SHOC2: variants seen among roughly 807,000 people sequenced by gnomAD.
SHOC2 encodes the protein leucine-rich repeat protein SHOC-2.
Under a neutral mutation model 50.2 loss-of-function variants are expected in SHOC2, and 4 were observed. The observed-to-expected ratio is 0.08, with a 90% CI of 0.04 to 0.18. The LOEUF (loss-of-function observed/expected upper bound fraction) is 0.18. SHOC2 is among the 10% of genes least tolerant of loss of function. SHOC2 has a pLI of 1.00. For synonymous variants in SHOC2, 218 were observed against 244.5 expected (o/e 0.89, Z 1.01); for missense variants, 388 against 669.6 (o/e 0.58, Z 4.64).
chr10:110,940,984 G>A (rs1050198920), intron 1 of SHOC2, among the ~76,000 whole-genome samples: 17 of 135,044 alleles, frequency 1.3e-4, no homozygotes, highest in Non-Finnish European at 2.3e-4. Flanking sequence ...AGGCTGGAGT[G>A]CAGTTAGCAC....
intron 2 of SHOC2, among the ~76,000 whole-genome samples, chr10:110,967,336 C>G (rs180937440): frequency 4.9e-4 from 75 of 152,202 alleles, no homozygotes; most frequent in African/African-American, 1.8e-3. Context: ...TGGGTACCAC[C>G]CCCCATAGAT....
At chr10:110,939,440 G>A (rs529089310) in intron 1 of SHOC2, among the ~76,000 whole-genome samples, 5 of 152,120 alleles carry the variant, frequency 3.3e-5, no homozygotes, top group African/African-American at 9.6e-5. Flanking sequence ...GGCTGGTCTC[G>A]AACTTCTGGC....
At chr10:110,962,278 T>TATA (rs1590802919) in intron 1 of SHOC2, among the ~76,000 whole-genome samples, 1 of 152,250 alleles carries the variant, frequency 6.6e-6, no homozygotes, top group East Asian at 1.9e-4. Flanking sequence ...AGAAACTTGA[T>TATA]ATAATGACAT....
At chr10:110,972,573 CA>C (rs796748027) in intron 2 of SHOC2, among the ~76,000 whole-genome samples, 17 of 152,018 alleles carry the variant, frequency 1.1e-4, no homozygotes, top group African/African-American at 3.9e-4. Context: ...CTAAAGGAGG[CA>C]AAAAAACAAC....
At position 110,981,463 on chromosome 10, in the gene SHOC2, A is replaced by G. The variant is rs533516562; in HGVS notation, c.704-4165A>G. ...GGCAGAGGTTTGTCCTTAGATCTCA[A>G]AAGGATGTAAGAAAAGTTGATAATC... On this transcript the variant is annotated intron_variant, in intron 2 of 8. Coordinates refer to ENST00000369452, the MANE Select transcript of SHOC2 (RefSeq NM_007373.4). Among the ~76,000 whole-genome samples the G allele has an allele frequency of 2.2e-3, 332 of 152,312 alleles. 1 individual carries two copies. Among genetic ancestry groups the G allele is most frequent in the Non-Finnish European group, 3.6e-3 (245 of 68,028 alleles).
intron 3 of SHOC2, among the ~76,000 whole-genome samples, chr10:110,991,193 T>C (rs1848180805): frequency 6.6e-6 from 1 of 152,198 alleles, no homozygotes; most frequent in Admixed American, 6.5e-5. Flanking sequence ...GCGATTAAAG[T>C]ACTGAAATGA....
At chr10:110,958,649 C>G (rs1050969171) in intron 1 of SHOC2, among the ~76,000 whole-genome samples, 13 of 152,128 alleles carry the variant, frequency 8.5e-5, no homozygotes, top group African/African-American at 3.1e-4. Flanking sequence ...GACCTCCCTC[C>G]TTTATTCTAA....
chr10:110,998,715 G>T (rs751112178), intron 3 of SHOC2, among the ~76,000 whole-genome samples: 3 of 152,122 alleles, frequency 2.0e-5, no homozygotes, highest in Non-Finnish European at 4.4e-5. Context: ...CGTTATAGTT[G>T]ACAACTTATG....
chr10:110,976,137 T>C (rs1317557253), intron 2 of SHOC2, among the ~76,000 whole-genome samples: 1 of 151,544 alleles, frequency 6.6e-6, no homozygotes, highest in African/African-American at 2.4e-5. Flanking sequence ...TCTCAAATTC[T>C]GTCCTCAGGT....
chr10:110,989,704 G>A lies in SHOC2; in HGVS notation c.841+3939G>A, dbSNP rs376262575. Among the ~76,000 whole-genome samples, 14 of 152,064 alleles carry A rather than the reference G, an allele frequency of 9.2e-5. No homozygotes were observed. In the East Asian group the frequency reaches 1.9e-3, roughly 21 times the overall value. ...TATTTCTAGATTTCTGAAATTTTAAGAACTATATTTTATTTATCAGTGTTT... is the reference window on the plus strand; with the variant it reads ...TATTTCTAGATTTCTGAAATTTTAAAAACTATATTTTATTTATCAGTGTTT... On this transcript the variant is annotated intron_variant, in intron 3 of 8. Coordinates refer to ENST00000369452, the MANE Select transcript of SHOC2 (RefSeq NM_007373.4).
rs903306715 is a variant in SHOC2 at position 110,936,094 on chromosome 10, G to T, written c.-235+16437G>T. Reference sequence around the variant, plus strand: ...TGAGTACTCTAGATATTGCTTCACTGATTTTTTTTTTTTTTTTTTGAGTCG... The same window carrying T: ...TGAGTACTCTAGATATTGCTTCACTTATTTTTTTTTTTTTTTTTTGAGTCG... On this transcript the variant is annotated intron_variant, in intron 1 of 8. Coordinates refer to ENST00000369452, the MANE Select transcript of SHOC2 (RefSeq NM_007373.4). Among the ~76,000 whole-genome samples, 29 of 143,978 alleles carry T rather than the reference G, an allele frequency of 2.0e-4. No homozygotes were observed. In the South Asian group the frequency reaches 2.2e-3, roughly 11 times the overall value. The allele number at this position is 143,978 out of a possible 152,430, so 94.5% of individuals were successfully genotyped here. A position where few individuals can be genotyped will look rare whatever the true frequency, so the allele number is the denominator to read the frequency against.
intron 1 of SHOC2, among the ~76,000 whole-genome samples, chr10:110,933,634 C>T (rs1019947610): frequency 3.0e-4 from 46 of 152,124 alleles, no homozygotes; most frequent in African/African-American, 1.1e-3. Flanking sequence ...AGTTGATTTT[C>T]GTCATTAAGA....
chr10:111,012,158 G>T lies in SHOC2; in HGVS notation c.*340G>T. 1 of 224,376 alleles carries T rather than the reference G, an allele frequency of 4.5e-6. No individual in the cohort carries two copies. Among genetic ancestry groups the T allele is most frequent in the Admixed American group, 5.2e-5 (1 of 19,178 alleles). 13.9% of individuals were successfully genotyped at this position (224,376 alleles called of 1,614,324 possible). ...TATACTTTCTCTTAGGAAAAATAAT[G>T]GGCAAAAATTTTTGTTGCAACTTTT... On this transcript the variant is annotated 3_prime_UTR_variant, in exon 9 of 9. Transcript: ENST00000369452.
intron 3 of SHOC2, among the ~76,000 whole-genome samples, chr10:110,995,536 A>C (rs2134162274): frequency 6.6e-6 from 1 of 152,314 alleles, no homozygotes; most frequent in Non-Finnish European, 1.5e-5. Flanking sequence ...AAGTCAATGA[A>C]GATCTTGAAG....
At position 110,997,998 on chromosome 10, in the gene SHOC2, C is replaced by CT. The variant is rs67929631; in HGVS notation, c.842-2402dup. On this transcript the variant is annotated intron_variant, in intron 3 of 8. Transcript: ENST00000369452. ...TTTTAAGTAACATTTTTATTATAGT[C>CT]TTTTTTTTTTTTTTTAATGAGACAA... 3.0e-3 allele frequency among the ~76,000 whole-genome samples: 405 copies of CT among 136,596 alleles called. 2 individuals carry two copies. The highest frequency in any genetic ancestry group is 4.8e-3 in the African/African-American group (179 of 37,378). 89.6% of individuals were successfully genotyped at this position (136,596 alleles called of 152,430 possible). A position where few individuals can be genotyped will look rare whatever the true frequency, so the allele number is the denominator to read the frequency against.
chr10:110,954,580 C>G (rs1847421712), intron 1 of SHOC2, among the ~76,000 whole-genome samples: 1 of 152,084 alleles, frequency 6.6e-6, no homozygotes, highest in Admixed American at 6.5e-5. Flanking sequence ...TATTTGTGAA[C>G]AAGACAGACA....
At position 110,973,056 on chromosome 10, in the gene SHOC2, G is replaced by A. The variant is rs183733646; in HGVS notation, c.703+7995G>A. Reference sequence around the variant, plus strand: ...CTTGCTTAGAAGAGCCCCTGAAGTCGTCTTTGCAATGAAAAGGAATAATTA... The same window carrying A: ...CTTGCTTAGAAGAGCCCCTGAAGTCATCTTTGCAATGAAAAGGAATAATTA... On this transcript the variant is annotated intron_variant, in intron 2 of 8. Coordinates refer to ENST00000369452, the MANE Select transcript of SHOC2 (RefSeq NM_007373.4). 3.2e-3 allele frequency among the ~76,000 whole-genome samples: 484 copies of A among 152,252 alleles called. 25 individuals are homozygous for A. In the South Asian group the frequency reaches 0.091, roughly 29 times the overall value.
chr10:110,943,023 C>T (rs1295970571), intron 1 of SHOC2, among the ~76,000 whole-genome samples: 1 of 152,118 alleles, frequency 6.6e-6, no homozygotes, highest in Non-Finnish European at 1.5e-5. Context: ...AGAATTCTTT[C>T]TGTCTGTCAG....
chr10:110,976,446 G>C (rs1847880105), intron 2 of SHOC2, among the ~76,000 whole-genome samples: 1 of 151,710 alleles, frequency 6.6e-6, no homozygotes, highest in Admixed American at 6.6e-5. Flanking sequence ...CGAGTCGCTG[G>C]GACTACAGGT....
Sources: gnomAD v4.1 joint callset for allele counts (sites outside exome capture counted in the v4.1 genomes callset) on GRCh38, gnomAD v4.1.1 for gene constraint, MANE v1.5 for transcripts, NCBI Gene and HGNC (gene_info 2026-07-23, HGNC 2026-07-21) for gene names.